SHQ1: variants seen among roughly 807,000 people sequenced by gnomAD.
SHQ1 encodes protein SHQ1 homolog.
A neutral mutation model predicts 53.8 loss-of-function variants in SHQ1; 49 were observed. The observed-to-expected ratio is 0.91, with a 90% CI of 0.72 to 1.16. The LOEUF (loss-of-function observed/expected upper bound fraction) is 1.16, where lower values mean the gene tolerates loss of function less well. Among genes scored for constraint, SHQ1 ranks in the 50% most tolerant of loss-of-function variants. The probability of loss-of-function intolerance (pLI) is 0.00; values close to 1 mark genes in which losing one functional copy is unlikely to be tolerated. For missense variants in SHQ1, 738 were observed against 683.1 expected, an observed-to-expected ratio of 1.08 and a Z score of -0.90; for synonymous variants, 243 against 251.0, an observed-to-expected ratio of 0.97 and a Z score of 0.30.
the SHQ1 span, among the ~76,000 whole-genome samples, chr3:72,732,540 G>T: frequency 2.0e-5 from 3 of 150,074 alleles, no homozygotes; most frequent in South Asian, 2.1e-4. Flanking sequence ...TCTCCCCTTG[G>T]TACCCACAAC....
the SHQ1 span, among the ~76,000 whole-genome samples, chr3:72,742,840 T>C: frequency 6.6e-6 from 1 of 152,220 alleles, no homozygotes; most frequent in African/African-American, 2.4e-5. Flanking sequence ...TTGGCCAGGC[T>C]GGTCTCGAAC....
rs142875444 is a variant in SHQ1, at chr3:72,801,996, CT to C, written c.1061-8961del. Among the ~76,000 whole-genome samples, 781 of 152,328 alleles carry C rather than the reference CT, an allele frequency of 5.1e-3. 10 individuals are homozygous for C. Among genetic ancestry groups the C allele is most frequent in the African/African-American group, 0.018 (751 of 41,570 alleles). The stretch of plus-strand genomic sequence containing the variant: ...GACCAGCTGTGCAGCCCAGAGTTTG[CT>C]TTGCTTCTGGTACCACTTCTTAACC... On this transcript the variant is annotated intron_variant, in intron 9 of 10. Coordinates refer to ENST00000325599, the MANE Select transcript of SHQ1 (RefSeq NM_018130.3).
intron 8 of SHQ1, 71 bp downstream of exon 8, chr3:72,815,279 A>G (rs1707276461): frequency 7.7e-7 from 1 of 1,291,642 alleles, no homozygotes; most frequent in South Asian, 1.2e-5. Context: ...GAATTACCCC[A>G]AATGATGTAA....
chr3:72,803,314 G>C (rs537495756), intron 9 of SHQ1, among the ~76,000 whole-genome samples: 6 of 152,026 alleles, frequency 3.9e-5, no homozygotes, highest in Admixed American at 6.6e-5. Context: ...GGCTACAGTC[G>C]AGCCATGTAT....
chr3:72,740,058 A>G, the SHQ1 span, among the ~76,000 whole-genome samples: 1 of 152,210 alleles, frequency 6.6e-6, no homozygotes, highest in Non-Finnish European at 1.5e-5. Flanking sequence ...AGCCCTGCAC[A>G]TGGGAGCATT....
At chr3:72,755,163 C>T (rs79120387) in intron 10 of SHQ1, among the ~76,000 whole-genome samples, 7 of 151,982 alleles carry the variant, frequency 4.6e-5, no homozygotes, top group Non-Finnish European at 7.4e-5. Flanking sequence ...CCAGCTGATG[C>T]GAACTTTTAT....
chr3:72,753,268 C>T (rs1014620798), intron 10 of SHQ1: 25 of 985,198 alleles, frequency 2.5e-5, no homozygotes, highest in South Asian at 2.4e-4. Flanking sequence ...AACTGGATGA[C>T]GGTGAGTTTA....
intron 5 of SHQ1, among the ~76,000 whole-genome samples, chr3:72,830,444 G>A (rs1255918994): frequency 6.6e-6 from 1 of 151,750 alleles, no homozygotes; most frequent in Non-Finnish European, 1.5e-5. Context: ...TATCTGCATG[G>A]TGATAGTAAT....
At chr3:72,819,116 A>C (rs954332756) in intron 6 of SHQ1, among the ~76,000 whole-genome samples, 1 of 152,210 alleles carries the variant, frequency 6.6e-6, no homozygotes, top group Non-Finnish European at 1.5e-5. Context: ...CACTGTGTGA[A>C]GCTTGTGATA....
chr3:72,791,522 TA>T (rs1207379589), intron 10 of SHQ1, among the ~76,000 whole-genome samples: 1 of 152,122 alleles, frequency 6.6e-6, no homozygotes. Context: ...TGAAGAGAAA[TA>T]AAAAATAAAT....
At chr3:72,845,250 G>A (rs976850637) in intron 1 of SHQ1, among the ~76,000 whole-genome samples, 3 of 152,128 alleles carry the variant, frequency 2.0e-5, no homozygotes, top group Non-Finnish European at 4.4e-5. Flanking sequence ...TTGGGAGGCC[G>A]AGGTGGGTCG....
At chr3:72,781,921 A>G (rs1706086404) in intron 10 of SHQ1, among the ~76,000 whole-genome samples, 1 of 152,192 alleles carries the variant, frequency 6.6e-6, no homozygotes, top group Non-Finnish European at 1.5e-5. Context: ...CTATACCCCA[A>G]AAAGATTGTT....
chr3:72,774,741 C>A (rs1447836436), intron 10 of SHQ1, among the ~76,000 whole-genome samples: 3 of 152,160 alleles, frequency 2.0e-5, no homozygotes, highest in Non-Finnish European at 2.9e-5. Flanking sequence ...ATCTAACAAA[C>A]TTCCAAAATG....
chr3:72,787,572 TA>T (rs983791428), intron 10 of SHQ1, among the ~76,000 whole-genome samples: 2 of 152,064 alleles, frequency 1.3e-5, no homozygotes, highest in African/African-American at 2.4e-5. Context: ...ATTAGTTACT[TA>T]AAAAAAACTC....
At chr3:72,773,319 CAAG>C (rs1705893333) in intron 10 of SHQ1, 3 of 596,966 alleles carry the variant, frequency 5.0e-6, no homozygotes, top group Non-Finnish European at 9.6e-6. Context: ...GCTCCAAAGA[CAAG>C]AAGGAAAAAA....
At chr3:72,787,947 C>G (rs1706292285) in intron 10 of SHQ1, among the ~76,000 whole-genome samples, 3 of 152,332 alleles carry the variant, frequency 2.0e-5, no homozygotes, top group African/African-American at 7.2e-5. Context: ...AGCTCCTGAC[C>G]GCGAGTGATC....
intron 10 of SHQ1, among the ~76,000 whole-genome samples, chr3:72,769,988 G>T (rs559973395): frequency 1.3e-5 from 2 of 152,278 alleles, no homozygotes; most frequent in African/African-American, 4.8e-5. Flanking sequence ...TTCATATGGG[G>T]CTTGTGAGAT....
chr3:72,781,747 A>C (rs1423069762), intron 10 of SHQ1, among the ~76,000 whole-genome samples: 3 of 152,200 alleles, frequency 2.0e-5, no homozygotes, highest in Non-Finnish European at 4.4e-5. Context: ...TCCATGAAGC[A>C]GTGGCCTTTT....
intron 10 of SHQ1, among the ~76,000 whole-genome samples, chr3:72,775,486 C>A (rs1575685078): frequency 7.6e-6 from 1 of 131,818 alleles, no homozygotes; most frequent in African/African-American, 2.9e-5. Context: ...TTGGTGAATG[C>A]TACTGAAGGT....
Sources: allele counts gnomAD v4.1 joint callset (sites outside exome capture counted in the v4.1 genomes callset), GRCh38; gene constraint gnomAD v4.1.1; transcripts MANE v1.5; gene names NCBI Gene and HGNC (gene_info 2026-07-23, HGNC 2026-07-21).